GALNT17: variants seen among roughly 807,000 people sequenced by gnomAD.
The protein encoded by GALNT17 is UDP-GalNAc:polypeptide N-acetylgalactosaminyltransferase-like 3.
A neutral mutation model predicts 63.7 loss-of-function variants in GALNT17; 29 were observed. That is an observed-to-expected ratio of 0.46 (90% confidence interval 0.34 to 0.62). The LOEUF (loss-of-function observed/expected upper bound fraction) is 0.62, where lower values mean the gene tolerates loss of function less well. Ranked by LOEUF, GALNT17 falls within the 20% of genes least tolerant of loss-of-function variation. The pLI is 0.01. For missense variants in GALNT17, 603 were observed against 799.6 expected, an observed-to-expected ratio of 0.75 and a Z score of 2.97; for synonymous variants, 305 against 318.3, an observed-to-expected ratio of 0.96 and a Z score of 0.45.
chr7:71,546,161 C>CTTTTTTTTTT (rs34711093), intron 5 of GALNT17, among the ~76,000 whole-genome samples: 5 of 136,602 alleles, frequency 3.7e-5, no homozygotes, highest in Non-Finnish European at 7.8e-5. Context: ...TTGAGGGACA[C>CTTTTTTTTTT]TTTTTTTTTT....
chr7:71,539,416 T>C (rs1270507451), intron 5 of GALNT17, among the ~76,000 whole-genome samples: 3 of 152,196 alleles, frequency 2.0e-5, no homozygotes, highest in Non-Finnish European at 2.9e-5. Flanking sequence ...CAAAACCCCT[T>C]ATCTCACTCT....
intron 5 of GALNT17, among the ~76,000 whole-genome samples, chr7:71,514,205 A>G (rs1387943447): frequency 6.6e-6 from 1 of 152,030 alleles, no homozygotes; most frequent in Non-Finnish European, 1.5e-5. Context: ...AAAAAGCAAC[A>G]CCACCAACAA....
intron 1 of GALNT17, among the ~76,000 whole-genome samples, chr7:71,304,096 C>A (rs1399123084): frequency 6.6e-6 from 1 of 152,160 alleles, no homozygotes; most frequent in Non-Finnish European, 1.5e-5. Context: ...CTTGAGCACA[C>A]CTTGTTGGTT....
chr7:71,442,853 A>G (rs1787092867), intron 5 of GALNT17, among the ~76,000 whole-genome samples: 1 of 152,202 alleles, frequency 6.6e-6, no homozygotes, highest in South Asian at 2.1e-4. Context: ...GCTGGCCTGC[A>G]TGGGAGGTCC....
At chr7:71,377,102 A>T (rs1468045538) in intron 2 of GALNT17, among the ~76,000 whole-genome samples, 1 of 40,444 alleles carries the variant, frequency 2.5e-5, no homozygotes, top group Non-Finnish European at 4.3e-5. Context: ...AAAAAAAAAT[A>T]AAAATAAAAA....
chr7:71,593,483 C>T (rs1025079042), intron 6 of GALNT17, among the ~76,000 whole-genome samples: 2 of 152,028 alleles, frequency 1.3e-5, no homozygotes, highest in African/African-American at 2.4e-5. Context: ...CTAGGATGGT[C>T]GCTGTCTCTT....
chr7:71,477,799 C>T lies in GALNT17; in HGVS notation c.962+56694C>T, dbSNP rs183846758. Among the ~76,000 whole-genome samples, 122 of 152,322 alleles carry T rather than the reference C, an allele frequency of 8.0e-4. 1 individual carries two copies. Among genetic ancestry groups the T allele is most frequent in the Middle Eastern group, 3.4e-3 (1 of 294 alleles). On this transcript the variant is annotated intron_variant, in intron 5 of 10. Transcript: ENST00000333538. ...ATAGTACCGGGAATCCTGGCTGCCTCTGGTGCCTAAGCCCACCCTTCCCAA... is the reference window on the plus strand; with the variant it reads ...ATAGTACCGGGAATCCTGGCTGCCTTTGGTGCCTAAGCCCACCCTTCCCAA...
chr7:71,548,070 A>T (rs946202719), intron 5 of GALNT17, among the ~76,000 whole-genome samples: 1 of 151,934 alleles, frequency 6.6e-6, no homozygotes, highest in Non-Finnish European at 1.5e-5. Context: ...TTTACCAAAA[A>T]TAAAAAATTT....
intron 9 of GALNT17, among the ~76,000 whole-genome samples, chr7:71,686,258 T>G (rs1200132944): frequency 6.6e-6 from 1 of 151,764 alleles, no homozygotes; most frequent in Non-Finnish European, 1.5e-5. Context: ...CCCAGCCTGT[T>G]TACTCTTTAT....
chr7:71,624,647 CCTAT>C lies in GALNT17; in HGVS notation c.1081-40758_1081-40755del, dbSNP rs569803037. On this transcript the variant is annotated intron_variant, in intron 6 of 10. Transcript: ENST00000333538. ...CCAAAGAGCTTTTGTTTATGGGTGT[CCTAT>C]CTATCGATTTTTACTATGTTGGAAA... Among the ~76,000 whole-genome samples, 401 of 152,196 alleles carry C rather than the reference CCTAT, an allele frequency of 2.6e-3. 2 individuals carry two copies. Among genetic ancestry groups the C allele is most frequent in the African/African-American group, 9.1e-3 (379 of 41,520 alleles).
At chr7:71,535,916 A>G (rs1384809191) in intron 5 of GALNT17, among the ~76,000 whole-genome samples, 1 of 152,164 alleles carries the variant, frequency 6.6e-6, no homozygotes, top group Non-Finnish European at 1.5e-5. Flanking sequence ...AAATGCATTT[A>G]ATTTCCAACA....
intron 1 of GALNT17, chr7:71,284,071 T>A (rs765330348): frequency 1.3e-5 from 2 of 152,282 alleles, no homozygotes; most frequent in Non-Finnish European, 1.5e-5. Flanking sequence ...GCTCTGGTTC[T>A]TTTCGGTGCT....
intron 1 of GALNT17, among the ~76,000 whole-genome samples, chr7:71,159,791 G>T (rs931721111): frequency 2.0e-5 from 3 of 149,944 alleles, no homozygotes; most frequent in East Asian, 2.0e-4. Context: ...ATTATTTTGG[G>T]TTTTTTTTGA....
intron 1 of GALNT17, among the ~76,000 whole-genome samples, chr7:71,147,958 A>G: frequency 6.6e-6 from 1 of 152,126 alleles, no homozygotes; most frequent in East Asian, 1.9e-4. Context: ...AAAGCCCTTC[A>G]TTCTCTGTAA....
At chr7:71,306,764 G>A (rs777404121) in intron 1 of GALNT17, among the ~76,000 whole-genome samples, 14 of 152,312 alleles carry the variant, frequency 9.2e-5, no homozygotes, top group Non-Finnish European at 2.1e-4. Flanking sequence ...ATTGCAAATA[G>A]TGCTACTATG....
rs1232628229 is a variant in GALNT17 at position 71,378,378 on chromosome 7, T to C, written c.423-9857T>C. On this transcript the variant is annotated intron_variant, in intron 2 of 10. Coordinates refer to ENST00000333538, the MANE Select transcript of GALNT17 (RefSeq NM_022479.3). The stretch of plus-strand genomic sequence containing the variant: ...TGTTGCCAAAAATGATACCACTCTT[T>C]CCCGAGATTATAGGGAAGCCTTGAT... Among the ~76,000 whole-genome samples, 3 of 152,118 alleles carry C rather than the reference T, an allele frequency of 2.0e-5. 1 individual carries two copies. The highest frequency in any genetic ancestry group is 6.6e-5 in the Admixed American group (1 of 15,262).
At chr7:71,488,290 G>A (rs1787946943) in intron 5 of GALNT17, among the ~76,000 whole-genome samples, 1 of 152,080 alleles carries the variant, frequency 6.6e-6, no homozygotes, top group South Asian at 2.1e-4. Flanking sequence ...GTCTGGGCAG[G>A]CAAGCTAATG....
chr7:71,523,469 G>T (rs1222928879), intron 5 of GALNT17, among the ~76,000 whole-genome samples: 3 of 151,692 alleles, frequency 2.0e-5, no homozygotes, highest in African/African-American at 7.3e-5. Context: ...CAGATTCTTG[G>T]CCAGGCACAG....
chr7:71,183,806 C>T (rs572842780), intron 1 of GALNT17, among the ~76,000 whole-genome samples: 3 of 151,954 alleles, frequency 2.0e-5, no homozygotes, highest in South Asian at 2.1e-4. Flanking sequence ...AGGAGAATCG[C>T]GTGAACCCGG....
Sources: gnomAD v4.1 joint callset for allele counts (sites outside exome capture counted in the v4.1 genomes callset) on GRCh38, gnomAD v4.1.1 for gene constraint, MANE v1.5 for transcripts, NCBI Gene and HGNC (gene_info 2026-07-23, HGNC 2026-07-21) for gene names.